RALGAPA1: variants seen among roughly 807,000 people sequenced by gnomAD.
The protein encoded by RALGAPA1 is Ral GTPase activating protein catalytic subunit alpha 1.
In RALGAPA1, 52 loss-of-function variants were observed where a neutral mutation model predicts 269.6. The observed-to-expected ratio is 0.19, with a 90% CI of 0.15 to 0.24. The LOEUF (loss-of-function observed/expected upper bound fraction) is 0.24. RALGAPA1 is among the 10% of genes least tolerant of loss of function. RALGAPA1 has a pLI of 1.00. For synonymous variants in RALGAPA1, 817 were observed against 1,008.3 expected, an observed-to-expected ratio of 0.81 and a Z score of 3.60; for missense variants, 1,917 against 3,013.9, an observed-to-expected ratio of 0.64 and a Z score of 8.52.
At chr14:35,654,907 C>A (rs577259175) in intron 29 of RALGAPA1, among the ~76,000 whole-genome samples, 7 of 152,286 alleles carry the variant, frequency 4.6e-5, no homozygotes, top group African/African-American at 1.4e-4. Context: ...TCTCTACGTC[C>A]ACATTTCACC....
intron 7 of RALGAPA1, 86 bp downstream of exon 7, chr14:35,756,707 T>C: frequency 1.0e-6 from 1 of 968,886 alleles, no homozygotes. Context: ...AAATATCTAC[T>C]ATGACAGAAT....
intron 17 of RALGAPA1, among the ~76,000 whole-genome samples, chr14:35,698,800 T>C (rs963926997): frequency 6.6e-6 from 1 of 152,184 alleles, no homozygotes; most frequent in Non-Finnish European, 1.5e-5. Context: ...GATTATAATT[T>C]GATGTAAGCA....
chr14:35,733,156 G>A (rs1428720870), intron 12 of RALGAPA1, among the ~76,000 whole-genome samples: 3 of 152,140 alleles, frequency 2.0e-5, no homozygotes, highest in Non-Finnish European at 2.9e-5. Context: ...TGAGCATTGA[G>A]TCAAAAACAA....
At chr14:35,566,838 C>T (rs186349169) in intron 39 of RALGAPA1, among the ~76,000 whole-genome samples, 39 of 148,828 alleles carry the variant, frequency 2.6e-4, no homozygotes, top group Middle Eastern at 3.6e-3. Context: ...TCATTTCCCC[C>T]CAACATTTAG....
At chr14:35,591,288 C>CTATGTATG (rs371005322) in intron 37 of RALGAPA1, among the ~76,000 whole-genome samples, 10,312 of 150,018 alleles carry the variant, frequency 0.069, 756 homozygotes, top group African/African-American at 0.17. Flanking sequence ...ATTTTAAGTG[C>CTATGTATG]TATGTATGTA....
In RALGAPA1 at chr14:35,631,138, A is replaced by G. The variant is rs551882425; in HGVS notation, c.5996-3187T>C. ...CTAGAATATAATAAATGTTCACACT[A>G]TAAGGGGATAATCTAGCTGGTATTC... On this transcript the variant is annotated intron_variant, in intron 33 of 41. Coordinates refer to ENST00000680220, the MANE Select transcript of RALGAPA1 (RefSeq NM_001346249.2). Among the ~76,000 whole-genome samples the G allele has an allele frequency of 1.9e-4, 29 of 152,312 alleles. No individual in the cohort carries two copies. In the South Asian group the frequency reaches 6.0e-3, roughly 32 times the overall value.
intron 33 of RALGAPA1, 29 bp downstream of exon 33, chr14:35,634,545 A>C (rs780416172): frequency 1.9e-6 from 3 of 1,552,466 alleles, no homozygotes; most frequent in Non-Finnish European, 2.6e-6. Context: ...CCCAAGCAAC[A>C]ATATTGTCCT....
intron 2 of RALGAPA1, among the ~76,000 whole-genome samples, chr14:35,775,411 A>G (rs965624896): frequency 6.6e-6 from 1 of 152,206 alleles, no homozygotes; most frequent in Non-Finnish European, 1.5e-5. Context: ...TGACCAGTGA[A>G]AAAGCAAATC....
chr14:35,589,691 G>T lies in RALGAPA1; in HGVS notation c.7209+5943C>A, dbSNP rs143479535. On this transcript the variant is annotated intron_variant, in intron 37 of 41. Transcript: ENST00000680220. The stretch of plus-strand genomic sequence containing the variant: ...TGGAGCCCTGATTAAATTTATGTAT[G>T]TATTTATTTATTTATTTATTTATTT... 1.5e-3 allele frequency among the ~76,000 whole-genome samples: 221 copies of T among 151,638 alleles called. 1 individual carries two copies. Among genetic ancestry groups the T allele is most frequent in the Middle Eastern group, 0.01 (3 of 294 alleles).
intron 27 of RALGAPA1, 121 bp downstream of exon 27, chr14:35,664,521 G>T: frequency 1.3e-6 from 1 of 799,086 alleles, no homozygotes; most frequent in Non-Finnish European, 1.9e-6. Flanking sequence ...GGAGGATATG[G>T]CTAATGTTCT....
chr14:35,556,608 T>C (rs965069268), intron 39 of RALGAPA1, among the ~76,000 whole-genome samples: 15 of 152,192 alleles, frequency 9.9e-5, no homozygotes, highest in Non-Finnish European at 1.9e-4. Context: ...TGAAATTCTT[T>C]AGTAGTTGAT....
intron 16 of RALGAPA1, among the ~76,000 whole-genome samples, chr14:35,704,836 A>G (rs905100019): frequency 6.6e-6 from 1 of 152,130 alleles, no homozygotes; most frequent in Admixed American, 6.5e-5. Context: ...TAAAAGAGAA[A>G]TGTAAATCAA....
intron 31 of RALGAPA1, among the ~76,000 whole-genome samples, chr14:35,637,425 G>A (rs1226444045): frequency 6.6e-6 from 1 of 152,134 alleles, no homozygotes; most frequent in African/African-American, 2.4e-5. Context: ...TGCAACTAGT[G>A]TACTGAAGAA....
At chr14:35,645,345 G>GT (rs2062336922) in intron 31 of RALGAPA1, among the ~76,000 whole-genome samples, 5 of 126,140 alleles carry the variant, frequency 4.0e-5, no homozygotes, top group Non-Finnish European at 8.2e-5. Context: ...ATATAGAGAT[G>GT]GGTGTGTGTG....
chr14:35,699,816 T>C (rs2067195738), intron 17 of RALGAPA1, among the ~76,000 whole-genome samples: 2 of 151,600 alleles, frequency 1.3e-5, no homozygotes, highest in Non-Finnish European at 2.9e-5. Context: ...TCCTAAGTCA[T>C]CTTTTACAAG....
intron 3 of RALGAPA1, among the ~76,000 whole-genome samples, chr14:35,771,375 T>G (rs969871927): frequency 2.6e-5 from 4 of 151,866 alleles, no homozygotes; most frequent in African/African-American, 9.7e-5. Flanking sequence ...GCCTGGTCAA[T>G]AAGAGCAAAA....
chr14:35,804,298 C>T (rs1434772731), intron 1 of RALGAPA1, among the ~76,000 whole-genome samples: 5 of 147,726 alleles, frequency 3.4e-5, no homozygotes, highest in South Asian at 4.3e-4. Flanking sequence ...CGGCTGGGCG[C>T]GGTGGCTCAC....
At chr14:35,758,498 T>C in intron 6 of RALGAPA1, among the ~76,000 whole-genome samples, 1 of 152,070 alleles carries the variant, frequency 6.6e-6, no homozygotes, top group East Asian at 1.9e-4. Flanking sequence ...AAAACTTCTA[T>C]TCTTAAAAAG....
chr14:35,633,866 A>G (rs2061503053), intron 33 of RALGAPA1, among the ~76,000 whole-genome samples: 1 of 152,150 alleles, frequency 6.6e-6, no homozygotes, highest in Non-Finnish European at 1.5e-5. Flanking sequence ...CTTCTATCAG[A>G]GAGAGAATGC....
Sources: allele counts gnomAD v4.1 joint callset (sites outside exome capture counted in the v4.1 genomes callset), GRCh38; gene constraint gnomAD v4.1.1; transcripts MANE v1.5; gene names NCBI Gene and HGNC (gene_info 2026-07-23, HGNC 2026-07-21).